IGSF21: variants seen among roughly 807,000 people sequenced by gnomAD.
IGSF21 encodes the protein immunoglobin superfamily member 21.
IGSF21 carries 28 observed loss-of-function variants against 46.8 expected under a neutral mutation model. That is an observed-to-expected ratio of 0.60 (90% CI 0.44 to 0.82). The LOEUF is 0.82. IGSF21 is among the 40% of genes least tolerant of loss of function. The probability of loss-of-function intolerance (pLI) is 0.00; values close to 1 mark genes in which losing one functional copy is unlikely to be tolerated. For missense variants in IGSF21, 624 were observed against 665.5 expected, an observed-to-expected ratio of 0.94 and a Z score of 0.69; for synonymous variants, 284 against 273.6, an observed-to-expected ratio of 1.04 and a Z score of -0.38.
chr1:18,155,593 G>A (rs1380226650), intron 1 of IGSF21, among the ~76,000 whole-genome samples: 3 of 152,230 alleles, frequency 2.0e-5, no homozygotes, highest in Non-Finnish European at 4.4e-5. Flanking sequence ...AGGGCCCCGG[G>A]TGCCCAAAAA....
At chr1:18,197,640 G>C (rs2087022228) in intron 1 of IGSF21, among the ~76,000 whole-genome samples, 1 of 152,228 alleles carries the variant, frequency 6.6e-6, no homozygotes, top group Non-Finnish European at 1.5e-5. Flanking sequence ...GCTCCAGAGA[G>C]GGCCTTGAAT....
At position 18,126,155 on chromosome 1, in the gene IGSF21, G is replaced by A. The variant is rs1458782846; in HGVS notation, c.70+17957G>A. Reference sequence around the variant, plus strand: ...GCCCCAGGGGACCACTTTGGGAGGCGAGAATGTGGCTCAAGATGATGGTTG... The same window carrying A: ...GCCCCAGGGGACCACTTTGGGAGGCAAGAATGTGGCTCAAGATGATGGTTG... On this transcript the variant is annotated intron_variant, in intron 1 of 9. Transcript: ENST00000251296. Among the ~76,000 whole-genome samples, 6 of 152,252 alleles carry A rather than the reference G, an allele frequency of 3.9e-5. No homozygotes were observed. The East Asian group carries it at 7.7e-4, about 20-fold the overall frequency.
chr1:18,360,515 G>C (rs536288741), intron 4 of IGSF21, among the ~76,000 whole-genome samples: 1 of 152,172 alleles, frequency 6.6e-6, no homozygotes, highest in South Asian at 2.1e-4. Flanking sequence ...CATTGTTCCC[G>C]GCACCTAGTA....
At chr1:18,370,081 G>A (rs2086209552) in intron 6 of IGSF21, among the ~76,000 whole-genome samples, 3 of 151,914 alleles carry the variant, frequency 2.0e-5, no homozygotes, top group South Asian at 2.1e-4. Context: ...CACTCCTCAC[G>A]GTCTCCTCTC....
At chr1:18,164,348 T>C (rs894418127) in intron 1 of IGSF21, among the ~76,000 whole-genome samples, 1 of 152,038 alleles carries the variant, frequency 6.6e-6, no homozygotes, top group Non-Finnish European at 1.5e-5. Context: ...CCTTCTTTCC[T>C]TCCTTTCATT....
At chr1:18,332,605 A>T (rs57557007) in intron 3 of IGSF21, among the ~76,000 whole-genome samples, 3,444 of 152,216 alleles carry the variant, frequency 0.023, 70 homozygotes, top group African/African-American at 0.057. Flanking sequence ...CAAACAAAGA[A>T]AATCATTCCC....
chr1:18,243,636 C>T (rs781748807), intron 2 of IGSF21, among the ~76,000 whole-genome samples: 8 of 152,112 alleles, frequency 5.3e-5, no homozygotes, highest in African/African-American at 9.7e-5. Flanking sequence ...CAATAAAACC[C>T]GGGAGGCACC....
intron 1 of IGSF21, among the ~76,000 whole-genome samples, chr1:18,134,654 C>T (rs943835254): frequency 3.3e-5 from 5 of 152,182 alleles, no homozygotes; most frequent in East Asian, 1.9e-4. Flanking sequence ...GCCCACCCCC[C>T]TCTTCCCCAC....
chr1:18,326,047 C>T (rs564685662), intron 3 of IGSF21, among the ~76,000 whole-genome samples: 3 of 152,212 alleles, frequency 2.0e-5, no homozygotes, highest in Non-Finnish European at 2.9e-5. Flanking sequence ...CATGCCCCCC[C>T]CTTTTTTTTC....
chr1:18,303,740 G>A (rs558342584), intron 3 of IGSF21, among the ~76,000 whole-genome samples: 36 of 152,296 alleles, frequency 2.4e-4, no homozygotes, highest in African/African-American at 8.7e-4. Context: ...CTGTCCCCAT[G>A]GAGCTGACAT....
chr1:18,178,343 G>A (rs980465961), intron 1 of IGSF21, among the ~76,000 whole-genome samples: 4 of 152,122 alleles, frequency 2.6e-5, no homozygotes, highest in African/African-American at 4.8e-5. Flanking sequence ...CTTGGCCACC[G>A]AAAGGGAGAC....
chr1:18,189,682 AGTAGG>A (rs1373944226), intron 1 of IGSF21, among the ~76,000 whole-genome samples: 1 of 151,998 alleles, frequency 6.6e-6, no homozygotes, highest in Non-Finnish European at 1.5e-5. Flanking sequence ...TGCAGTTCAC[AGTAGG>A]GTCCGTGCTC....
At chr1:18,166,439 G>T (rs36014789) in intron 1 of IGSF21, among the ~76,000 whole-genome samples, 12 of 152,054 alleles carry the variant, frequency 7.9e-5, no homozygotes, top group Admixed American at 7.2e-4. Flanking sequence ...TCGCACAGCC[G>T]CAGGGTGACC....
intron 3 of IGSF21, among the ~76,000 whole-genome samples, chr1:18,326,826 A>G (rs2085662608): frequency 6.6e-6 from 1 of 152,132 alleles, no homozygotes; most frequent in Non-Finnish European, 1.5e-5. Context: ...AGCTGCAGGA[A>G]GGGTTTATGT....
chr1:18,193,484 G>A (rs1418674435), intron 1 of IGSF21, among the ~76,000 whole-genome samples: 1 of 152,196 alleles, frequency 6.6e-6, no homozygotes, highest in Admixed American at 6.5e-5. Flanking sequence ...GGAGCCAGGA[G>A]TGCCAGTCTG....
intron 1 of IGSF21, among the ~76,000 whole-genome samples, chr1:18,164,402 C>T (rs1485946602): frequency 6.6e-6 from 1 of 151,850 alleles, no homozygotes; most frequent in East Asian, 1.9e-4. Flanking sequence ...CCTGTCTTTC[C>T]CTCCCTCCAT....
At chr1:18,199,086 A>G (rs2087039371) in intron 1 of IGSF21, among the ~76,000 whole-genome samples, 1 of 152,076 alleles carries the variant, frequency 6.6e-6, no homozygotes. Flanking sequence ...TGAATGAATT[A>G]GGCCCATGTC....
intron 3 of IGSF21, among the ~76,000 whole-genome samples, chr1:18,307,710 C>A (rs1459076279): frequency 1.3e-5 from 2 of 152,218 alleles, no homozygotes; most frequent in African/African-American, 4.8e-5. Context: ...TGGTCGGCCT[C>A]TGCCGGGAGC....
intron 1 of IGSF21, among the ~76,000 whole-genome samples, chr1:18,213,659 C>A (rs776036129): frequency 5.3e-5 from 8 of 152,132 alleles, no homozygotes; most frequent in Non-Finnish European, 7.3e-5. Flanking sequence ...GGCCATCTTC[C>A]TGGGTCTGGG....
Sources: allele counts gnomAD v4.1 joint callset (sites outside exome capture counted in the v4.1 genomes callset), GRCh38; gene constraint gnomAD v4.1.1; transcripts MANE v1.5; gene names NCBI Gene and HGNC (gene_info 2026-07-23, HGNC 2026-07-21).